Variants in RAD54B observed in about 807,000 individuals in gnomAD.
RAD54B encodes RAD54 homolog B.
Under a neutral mutation model 95.8 loss-of-function variants are expected in RAD54B, and 78 were observed. The ratio of observed to expected loss-of-function variants is 0.81; its 90% CI spans 0.68 to 0.98. The LOEUF (loss-of-function observed/expected upper bound fraction) is 0.98. Among genes scored for constraint, RAD54B ranks in the 50% least tolerant of loss-of-function variants. RAD54B has a pLI of 0.00. For missense variants in RAD54B, 957 were observed against 1,056.6 expected (o/e 0.91, Z 1.31); for synonymous variants, 328 against 354.9 (o/e 0.92, Z 0.85).
chr8:94,380,645 C>T (rs1271957754), intron 11 of RAD54B, among the ~76,000 whole-genome samples: 1 of 152,168 alleles, frequency 6.6e-6, no homozygotes, highest in Non-Finnish European at 1.5e-5. Flanking sequence ...CTGAGGTTCA[C>T]TCTAAAAACA....
intron 11 of RAD54B, among the ~76,000 whole-genome samples, chr8:94,386,652 AGAGT>A (rs1563637212): frequency 6.6e-6 from 1 of 152,162 alleles, no homozygotes; most frequent in Non-Finnish European, 1.5e-5. Context: ...AAGTGTGTTA[AGAGT>A]GAGAAAGTTA....
chr8:94,415,390 G>A (rs1258833740), intron 3 of RAD54B, among the ~76,000 whole-genome samples: 2 of 150,718 alleles, frequency 1.3e-5, no homozygotes, highest in Non-Finnish European at 3.0e-5. Flanking sequence ...AGACTTAAAC[G>A]TTAGATCTAA....
In RAD54B at chr8:94,386,983, C is replaced by G. The variant is rs1451633186; in HGVS notation, c.1985+1G>C. ...TTATAAGTTTGTTAAATCGATCTTACTTTTCAGTAGGTCGAAGTTCGTGGA... is the reference window on the plus strand; with the variant it reads ...TTATAAGTTTGTTAAATCGATCTTAGTTTTCAGTAGGTCGAAGTTCGTGGA... On this transcript the variant is annotated splice_donor_variant, in intron 11 of 14. Coordinates refer to ENST00000336148, the MANE Select transcript of RAD54B (RefSeq NM_012415.3). LOFTEE classifies it high-confidence loss of function. 6.3e-7 allele frequency: 1 copy of G among 1,590,212 alleles called. No homozygotes were observed. The highest frequency in any genetic ancestry group is 8.5e-7 in the Non-Finnish European group (1 of 1,171,948).
intron 5 of RAD54B, among the ~76,000 whole-genome samples, chr8:94,405,921 A>G (rs1195006993): frequency 6.6e-6 from 1 of 152,078 alleles, no homozygotes; most frequent in African/African-American, 2.4e-5. Context: ...CTGAGGCATT[A>G]AAGTCTACAA....
In RAD54B at chr8:94,372,179, A is replaced by C. The variant is rs978305013; in HGVS notation, c.2724T>G (p.Thr908=). 1.2e-6 allele frequency: 2 copies of C among 1,604,068 alleles called. No homozygotes were observed. Among genetic ancestry groups the C allele is most frequent in the Admixed American group, 3.5e-5 (2 of 56,846 alleles). Residue 908 remains threonine, a synonymous_variant, in exon 15 of 15, where the codon ACT becomes ACG. Coordinates refer to ENST00000336148, the MANE Select transcript of RAD54B (RefSeq NM_012415.3). ...CAGAAGTAATCTTTCACTATGTGCC[A>C]GTAGCTTGAGTGGTTATATTCTGAA... ...FIFQNITTQA[T]GT
At chr8:94,464,301 C>A (rs910224229) in intron 2 of RAD54B, among the ~76,000 whole-genome samples, 1 of 152,146 alleles carries the variant, frequency 6.6e-6, no homozygotes, top group African/African-American at 2.4e-5. Context: ...CTCAAACGTG[C>A]TTCCCTGGCT....
At chr8:94,446,323 A>G (rs1268883896) in intron 3 of RAD54B, among the ~76,000 whole-genome samples, 2 of 152,180 alleles carry the variant, frequency 1.3e-5, no homozygotes, top group African/African-American at 4.8e-5. Flanking sequence ...TGCCTTATTA[A>G]TCTTTGTCTT....
At chr8:94,468,833 A>C (rs10808669) in intron 1 of RAD54B, among the ~76,000 whole-genome samples, 47,486 of 151,802 alleles carry the variant, frequency 0.31, 7,905 homozygotes, top group East Asian at 0.43. Flanking sequence ...TCTCAAAAAA[A>C]AAAAGATAAG....
At chr8:94,412,311 C>T (rs894099489) in intron 3 of RAD54B, among the ~76,000 whole-genome samples, 1 of 151,854 alleles carries the variant, frequency 6.6e-6, no homozygotes, top group African/African-American at 2.4e-5. Context: ...ATCTTGGCTA[C>T]TGTGAAAAAT....
intron 3 of RAD54B, among the ~76,000 whole-genome samples, chr8:94,423,214 T>C (rs1811865493): frequency 6.6e-6 from 1 of 152,018 alleles, no homozygotes; most frequent in Non-Finnish European, 1.5e-5. Context: ...AAACCCCATC[T>C]CTACTAAAAA....
At chr8:94,413,494 A>T (rs544790954) in intron 3 of RAD54B, among the ~76,000 whole-genome samples, 1 of 152,352 alleles carries the variant, frequency 6.6e-6, no homozygotes, top group East Asian at 1.9e-4. Context: ...AACTGGATAC[A>T]CATTTGGAAA....
chr8:94,404,152 G>A lies in RAD54B; in HGVS notation c.869C>T (p.Pro290Leu), dbSNP rs202107104. The A allele has an allele frequency of 8.7e-6, 14 of 1,610,736 alleles. No individual in the cohort carries two copies. The highest frequency in any genetic ancestry group is 1.2e-5 in the Non-Finnish European group (14 of 1,177,566). The change falls in exon 6 of 15, where the codon CCT becomes CTT. Residue 290 changes from proline (P) to leucine (L), a missense_variant. Coordinates refer to ENST00000336148, the MANE Select transcript of RAD54B (RefSeq NM_012415.3). ...TGGTCGAAGATGATATACAAGGTAA[G>A]GATCAATCACTACATCCACAAGAGG... ...CFPLVDVVID[P>L]YLVYHLRPHQ... is the part of the protein sequence containing the mutation.
At chr8:94,452,170 C>T (rs960847105) in intron 3 of RAD54B, among the ~76,000 whole-genome samples, 4 of 152,212 alleles carry the variant, frequency 2.6e-5, no homozygotes, top group Admixed American at 6.5e-5. Flanking sequence ...AGGGCTTCAC[C>T]CTCCTGGCCC....
intron 5 of RAD54B, 24 bp downstream of exon 5, chr8:94,407,415 T>C (rs761964211): frequency 3.2e-6 from 5 of 1,558,618 alleles, no homozygotes; most frequent in Non-Finnish European, 4.3e-6. Flanking sequence ...AAACAGAAAA[T>C]TCAAATTATT....
intron 9 of RAD54B, among the ~76,000 whole-genome samples, chr8:94,392,163 A>G (rs1811038678): frequency 6.6e-6 from 1 of 152,224 alleles, no homozygotes; most frequent in African/African-American, 2.4e-5. Flanking sequence ...AGAGTCAATG[A>G]AATATAGTCT....
At chr8:94,410,821 A>G (rs532433062) in intron 4 of RAD54B, among the ~76,000 whole-genome samples, 1 of 152,202 alleles carries the variant, frequency 6.6e-6, no homozygotes, top group Non-Finnish European at 1.5e-5. Context: ...ATACCAAGTC[A>G]AATTTAGTGT....
Position 94,415,467 on chromosome 8 carries a change from C to T in RAD54B, c.305-4152G>A, listed in dbSNP as rs1811640021. ...AGGACACAGGCATGGGCAAGGACTT[C>T]ATGTCTAAAACACCAAAAGCAATGG... is the stretch of plus-strand genomic sequence containing the variant. On this transcript the variant is annotated intron_variant, in intron 3 of 14. Coordinates refer to ENST00000336148, the MANE Select transcript of RAD54B (RefSeq NM_012415.3). Among the ~76,000 whole-genome samples, 3 of 150,060 alleles carry T rather than the reference C, an allele frequency of 2.0e-5. No individual in the cohort carries two copies. The South Asian group carries it at 6.5e-4, about 32-fold the overall frequency.
At chr8:94,434,152 G>A (rs1812195635) in intron 3 of RAD54B, among the ~76,000 whole-genome samples, 2 of 151,780 alleles carry the variant, frequency 1.3e-5, no homozygotes, top group East Asian at 3.8e-4. Flanking sequence ...AACCTGGAAT[G>A]GGAAAAGGCT....
rs897092300 is a variant in RAD54B, at chr8:94,372,021, A to G, written c.*149T>C. The G allele has an allele frequency of 2.3e-6, 3 of 1,315,212 alleles. No homozygotes were observed. The highest frequency in any genetic ancestry group is 2.0e-6 in the Non-Finnish European group (2 of 1,008,080). 81.5% of individuals were successfully genotyped at this position (1,315,212 alleles called of 1,614,324 possible). Reference sequence around the variant, plus strand: ...ACACTTAATATTTACAAAACATTAAACCACTCAATTTTGACTATTGTATCA... The same window carrying G: ...ACACTTAATATTTACAAAACATTAAGCCACTCAATTTTGACTATTGTATCA... On this transcript the variant is annotated 3_prime_UTR_variant, in exon 15 of 15. Coordinates refer to ENST00000336148, the MANE Select transcript of RAD54B (RefSeq NM_012415.3).
Sources: gnomAD v4.1 joint callset for allele counts (sites outside exome capture counted in the v4.1 genomes callset) on GRCh38, gnomAD v4.1.1 for gene constraint, MANE v1.5 for transcripts, NCBI Gene and HGNC (gene_info 2026-07-23, HGNC 2026-07-21) for gene names.